The following MCFD2 variants were observed in gnomAD, a reference collection of about 807,000 sequenced individuals.
MCFD2 encodes the protein multiple coagulation factor deficiency protein 2.
A neutral mutation model predicts 12.8 loss-of-function variants in MCFD2; 11 were observed. The observed-to-expected ratio is 0.86, with a 90% CI of 0.54 to 1.42. The LOEUF is 1.42. Among genes scored for constraint, MCFD2 ranks in the 40% most tolerant of loss-of-function variants. The pLI, the probability that MCFD2 is intolerant of heterozygous loss-of-function variation, is 0.00. For synonymous variants in MCFD2, 70 were observed against 68.1 expected, an observed-to-expected ratio of 1.03 and a Z score of -0.14; for missense variants, 191 against 178.6, an observed-to-expected ratio of 1.07 and a Z score of -0.40.
chr2:46,919,705 C>T (rs1668999433), upstream of MCFD2, among the ~76,000 whole-genome samples: 1 of 152,204 alleles, frequency 6.6e-6, no homozygotes, highest in Non-Finnish European at 1.5e-5. Flanking sequence ...GGAATTCCTT[C>T]TAACAGGGAG....
rs756751523 is a variant in MCFD2 at position 46,905,505 on chromosome 2, A to G, written c.399T>C (p.Asp133=). The stretch of plus-strand genomic sequence containing the variant: ...CAAATTCAGCATAGTCAATGTATCC[A>G]TCATTGTTCTTGTCATCATCTCTCA... ...GVLRDDDKNN[D]GYIDYAEFAK... is the part of the protein sequence containing the mutation. The change falls in exon 4 of 4, where the codon GAT becomes GAC. Residue 133 remains aspartate (D), a synonymous_variant. Transcript: ENST00000319466. The G allele has an allele frequency of 6.2e-7, 1 of 1,613,184 alleles. No homozygotes were observed. Among genetic ancestry groups the G allele is most frequent in the African/African-American group, 1.3e-5 (1 of 74,894 alleles).
intron 1 of MCFD2, among the ~76,000 whole-genome samples, chr2:46,935,919 A>G (rs1416175572): frequency 4.6e-5 from 7 of 151,992 alleles, no homozygotes. Context: ...AGCAAGATTC[A>G]GTCTCTTAAA....
Position 46,903,752 on chromosome 2 carries a change from C to G in MCFD2, c.*1711G>C, listed in dbSNP as rs1185247685. 6.6e-6 allele frequency: 1 copy of G among 152,114 alleles called. No individual in the cohort carries two copies. Among genetic ancestry groups the G allele is most frequent in the Non-Finnish European group, 1.5e-5 (1 of 68,022 alleles). The allele number at this position is 152,114 out of a possible 1,614,324, so 9.4% of individuals were successfully genotyped here. ...AAGCAGCAAAGTGTTCAACAGGTGA[C>G]TTGGGTGCTTTTAAAGGCATTCCCT... On this transcript the variant is annotated 3_prime_UTR_variant, in exon 4 of 4. Transcript: ENST00000319466.
chr2:46,908,796 C>A lies in MCFD2; in HGVS notation c.149+227G>T. On this transcript the variant is annotated intron_variant, in intron 2 of 3. Transcript: ENST00000319466. This position sits in a 1 kb window ranked among gnomAD's most constrained non-coding sequence, Gnocchi z 4.5. ...AAAAAAAGGAGAGACCGGATTCAGA[C>A]AAGTAATGTGCCCCATTTGGGCCTA... The A allele has an allele frequency of 1.7e-6, 1 of 593,062 alleles. No individual in the cohort carries two copies. Among genetic ancestry groups the A allele is most frequent in the South Asian group, 2.0e-5 (1 of 51,100 alleles). The allele number at this position is 593,062 out of a possible 1,614,324, so 36.7% of individuals were successfully genotyped here.
chr2:46,903,592 G>C lies in MCFD2; in HGVS notation c.*1871C>G, dbSNP rs189739846. 1 of 152,386 alleles carries C rather than the reference G, an allele frequency of 6.6e-6. No homozygotes were observed. The highest frequency in any genetic ancestry group is 6.5e-5 in the Admixed American group (1 of 15,308). 9.4% of individuals were successfully genotyped at this position (152,386 alleles called of 1,614,324 possible). A position where few individuals can be genotyped will look rare whatever the true frequency, so the allele number is the denominator to read the frequency against. On this transcript the variant is annotated 3_prime_UTR_variant, in exon 4 of 4. Transcript: ENST00000319466. ...GGCCTCAGATGAAGATGAGGAACTT[G>C]TTGGGAACTGGAGTAAAGGTGACTC...
chr2:46,915,807 C>CGGGGGGGGGGGGGGGG, upstream of MCFD2: 2 of 84,834 alleles, frequency 2.4e-5, no homozygotes, highest in Non-Finnish European at 2.9e-5. Context: ...CTCGGCTTCG[C>CGGGGGGGGGGGGGGGG]CCCGCCCCCC....
At chr2:46,936,953 C>G (rs1670009633) in intron 1 of MCFD2, among the ~76,000 whole-genome samples, 1 of 151,692 alleles carries the variant, frequency 6.6e-6, no homozygotes, top group African/African-American at 2.4e-5. Flanking sequence ...CTCCTGGGCT[C>G]AAGCGATCCT....
chr2:46,936,595 A>G (rs971094136), intron 1 of MCFD2, among the ~76,000 whole-genome samples: 1 of 152,138 alleles, frequency 6.6e-6, no homozygotes, highest in African/African-American at 2.4e-5. Context: ...CTGTCTTAAT[A>G]TCAACCTGTC....
chr2:46,916,194 G>A, upstream of MCFD2: 4 of 978,192 alleles, frequency 4.1e-6, no homozygotes, highest in African/African-American at 1.7e-5. Context: ...CTCTTGGTTC[G>A]TCCTGCTGCA....
chr2:46,914,400 A>G (rs1407301349), intron 1 of MCFD2, among the ~76,000 whole-genome samples: 1 of 152,254 alleles, frequency 6.6e-6, no homozygotes, highest in African/African-American at 2.4e-5. Flanking sequence ...AAAACTGACC[A>G]GTACTTTGTC....
rs367591126 is a variant in MCFD2, at chr2:46,924,416, A to G, written c.-7-16447T>C. Reference sequence around the variant, plus strand: ...GAGCTTAGCTCTCCAATTAACTGAAAGCTTGGGTTTTACATTTATGGAATA... The same window carrying G: ...GAGCTTAGCTCTCCAATTAACTGAAGGCTTGGGTTTTACATTTATGGAATA... On this transcript the variant is annotated intron_variant, in intron 1 of 2. Transcript: ENST00000409147. Among the ~76,000 whole-genome samples the G allele has an allele frequency of 3.7e-3, 570 of 152,182 alleles. 1 individual carries two copies. Among genetic ancestry groups the G allele is most frequent in the Non-Finnish European group, 5.8e-3 (393 of 68,006 alleles).
rs1325726451 is a variant in MCFD2, at chr2:46,902,935, G to A, written c.*2528C>T. The A allele has an allele frequency of 6.6e-6, 1 of 152,152 alleles. No homozygotes were observed. Among genetic ancestry groups the A allele is most frequent in the African/African-American group, 2.4e-5 (1 of 41,420 alleles). The allele number at this position is 152,152 out of a possible 1,614,324, so 9.4% of individuals were successfully genotyped here. A position where few individuals can be genotyped will look rare whatever the true frequency, so the allele number is the denominator to read the frequency against. ...GATGTGAATTAAAATTAAGAAACTAGCAGTATTCTACTACAGTCAAGTTCC... is the reference window on the plus strand; with the variant it reads ...GATGTGAATTAAAATTAAGAAACTAACAGTATTCTACTACAGTCAAGTTCC... On this transcript the variant is annotated 3_prime_UTR_variant, in exon 4 of 4. Transcript: ENST00000319466.
chr2:46,912,025 A>G (rs1668508129), intron 1 of MCFD2, among the ~76,000 whole-genome samples: 2 of 152,072 alleles, frequency 1.3e-5, no homozygotes, highest in Non-Finnish European at 2.9e-5. Context: ...TACACTTCCA[A>G]TTTTACCAAA....
intron 1 of MCFD2, among the ~76,000 whole-genome samples, chr2:46,931,026 A>C (rs1366081112): frequency 6.6e-6 from 1 of 152,238 alleles, no homozygotes; most frequent in African/African-American, 2.4e-5. Flanking sequence ...AGAATTCTAA[A>C]CAAAACATTT....
At chr2:46,935,094 G>A (rs1014283314) in intron 1 of MCFD2, among the ~76,000 whole-genome samples, 4 of 152,028 alleles carry the variant, frequency 2.6e-5, no homozygotes, top group Admixed American at 1.3e-4. Flanking sequence ...CCACCACGCC[G>A]AGCCCTAAGA....
At chr2:46,912,406 G>C (rs1336146442) in intron 1 of MCFD2, 1 of 152,332 alleles carries the variant, frequency 6.6e-6, no homozygotes, top group East Asian at 1.9e-4. Flanking sequence ...CACAAAACAA[G>C]GTTTCAGGTT....
In MCFD2 at chr2:46,909,132, C is replaced by T. The variant is rs11555002; in HGVS notation, c.40G>A (p.Gly14Ser). ...RSLLRTPFLC[G>S]LLWAFCAPGA... is the part of the protein sequence containing the mutation. The stretch of plus-strand genomic sequence containing the variant: ...GGGGCACAAAAGGCCCAGAGCAGGC[C>T]ACACAGGAAGGGGGTTCTGAGCAGG... Residue 14 changes from glycine (G) to serine (S), a missense_variant, in exon 2 of 4, where the codon GGC (glycine) becomes AGC (serine). Gly to Ser is a moderately conservative substitution (Grantham distance 56). Coordinates refer to ENST00000319466, the MANE Select transcript of MCFD2 (RefSeq NM_139279.6). The T allele has an allele frequency of 1.2e-6, 2 of 1,614,082 alleles. No individual in the cohort carries two copies. Among genetic ancestry groups the T allele is most frequent in the African/African-American group, 1.3e-5 (1 of 74,932 alleles).
rs373893031 is a variant in MCFD2 at position 46,905,573 on chromosome 2, G to C, written c.331C>G (p.Leu111Val). The C allele has an allele frequency of 1.2e-6, 2 of 1,613,204 alleles. No individual in the cohort carries two copies. Among genetic ancestry groups the C allele is most frequent in the Non-Finnish European group, 1.7e-6 (2 of 1,179,550 alleles). ...TTAATCAGTTCATCTTCACTCATTA[G>C]TGGTGCCTGTTCACTCCCTTCCTAC... is the stretch of plus-strand genomic sequence containing the variant. ...HKEEGSEQAP[L>V]MSEDELINII... Residue 111 changes from leucine (L) to valine (V), a missense_variant, in exon 4 of 4, where the codon CTA becomes GTA. Leu to Val is a conservative substitution (Grantham distance 32, BLOSUM62 1). Coordinates refer to ENST00000319466, the MANE Select transcript of MCFD2 (RefSeq NM_139279.6).
At position 46,941,762 on chromosome 2, in the gene MCFD2, C is replaced by G; in HGVS notation, c.-198G>C. ...AAGAGGCTGGCTCGCCGGCAGCGAG[C>G]GCGCGAAACGCACCGCCTCCTCCAG... is the stretch of plus-strand genomic sequence containing the variant. On this transcript the variant is annotated 5_prime_UTR_variant, in exon 1 of 3. Coordinates refer to the MCFD2 transcript ENST00000409147. This position sits in a 1 kb window ranked among gnomAD's most constrained non-coding sequence, Gnocchi z 4.2. 6.5e-7 allele frequency: 1 copy of G among 1,546,358 alleles called. No individual in the cohort carries two copies. The highest frequency in any genetic ancestry group is 8.7e-7 in the Non-Finnish European group (1 of 1,145,296).
Sources: gnomAD v4.1 joint callset for allele counts (sites outside exome capture counted in the v4.1 genomes callset) on GRCh38, gnomAD v4.1.1 for gene constraint, Gnocchi (gnomAD v3.1) non-coding constraint, MANE v1.5 for transcripts, NCBI Gene and HGNC (gene_info 2026-07-23, HGNC 2026-07-21) for gene names.